The following ALKBH2 variants were observed in gnomAD, a reference collection of about 807,000 sequenced individuals.
ALKBH2 encodes the protein alkB homolog 2, alpha-ketoglutarate dependent dioxygenase.
A neutral mutation model predicts 19.7 loss-of-function variants in ALKBH2; 19 were observed. That is an observed-to-expected ratio of 0.97 (90% CI 0.67 to 1.42). The LOEUF (loss-of-function observed/expected upper bound fraction) is 1.42. ALKBH2 is among the 40% of genes most tolerant of loss of function. The pLI is 0.00. For synonymous variants in ALKBH2, 135 were observed against 131.2 expected (o/e 1.03, Z -0.20); for missense variants, 310 against 328.5 (o/e 0.94, Z 0.43).
Position 109,088,557 on chromosome 12 carries a change from T to C in ALKBH2, c.480-45A>G. 1 of 1,524,790 alleles carries C rather than the reference T, an allele frequency of 6.6e-7. No individual in the cohort carries two copies. The highest frequency in any genetic ancestry group is 8.9e-7 in the Non-Finnish European group (1 of 1,127,328). The allele number at this position is 1,524,790 out of a possible 1,614,324, so 94.5% of individuals were successfully genotyped here. A position where few individuals can be genotyped will look rare whatever the true frequency, so the allele number is the denominator to read the frequency against. On this transcript the variant is annotated intron_variant, in intron 3 of 3. Transcript: ENST00000429722. This position sits in a 1 kb window ranked among gnomAD's most constrained non-coding sequence, Gnocchi z 4.2. ...ACAGTGCATAAAAACAACCCTCTCC[T>C]GAAACTCACCAGCACCGCCAGCCCT...
At position 109,092,589 on chromosome 12, in the gene ALKBH2, G is replaced by C. The variant is rs773193528; in HGVS notation, c.198C>G (p.Asp66Glu). ...TGCCAAACAGGACTGTGTAACTGCA[G>C]TCCAGGCCCTCAGCCCGAATGTGCC... ...SWRHIRAEGL[D>E]CSYTVLFGKA... Residue 66 changes from aspartate to glutamate, a missense_variant, in exon 2 of 4, where the codon GAC becomes GAG. Transcript: ENST00000429722. 6.2e-7 allele frequency: 1 copy of C among 1,614,052 alleles called. No individual in the cohort carries two copies. Among genetic ancestry groups the C allele is most frequent in the Non-Finnish European group, 8.5e-7 (1 of 1,179,962 alleles).
At chr12:109,091,565 TCTCA>T (rs2042060804) in intron 2 of ALKBH2, among the ~76,000 whole-genome samples, 1 of 152,080 alleles carries the variant, frequency 6.6e-6, no homozygotes, top group Non-Finnish European at 1.5e-5. Flanking sequence ...TGAGACACAG[TCTCA>T]CTCTGTTGCC....
intron 2 of ALKBH2, among the ~76,000 whole-genome samples, chr12:109,091,403 A>T (rs1195766270): frequency 6.6e-6 from 1 of 152,052 alleles, no homozygotes; most frequent in African/African-American, 2.4e-5. Context: ...AAAAGAATAA[A>T]GTGACGAGGG....
intron 2 of ALKBH2, 105 bp downstream of exon 2, chr12:109,092,402 G>A: frequency 7.1e-7 from 1 of 1,407,926 alleles, no homozygotes. Flanking sequence ...GAACCCATCA[G>A]TAAATAATGG....
chr12:109,091,601 G>A (rs1428212010), intron 2 of ALKBH2, among the ~76,000 whole-genome samples: 5 of 152,032 alleles, frequency 3.3e-5, no homozygotes, highest in Admixed American at 6.5e-5. Flanking sequence ...GCAGTGGTGC[G>A]ATCTCGGCTC....
chr12:109,093,018 C>A (rs1473360163), intron 1 of ALKBH2, 81 bp from the exon 2 acceptor site: 4 of 1,143,696 alleles, frequency 3.5e-6, no homozygotes, highest in African/African-American at 1.6e-5. Context: ...TCCACCTGTG[C>A]ATCAGAATCA....
chr12:109,092,444 T>G, intron 2 of ALKBH2, 63 bp downstream of exon 2: 1 of 1,465,810 alleles, frequency 6.8e-7, no homozygotes, highest in Non-Finnish European at 9.0e-7. Flanking sequence ...AAACATACGA[T>G]CATTAATTGC....
chr12:109,090,123 T>C lies in ALKBH2; in HGVS notation c.365A>G (p.Tyr122Cys). 5 of 1,614,150 alleles carry C rather than the reference T, an allele frequency of 3.1e-6. No homozygotes were observed. Among genetic ancestry groups the C allele is most frequent in the East Asian group, 2.2e-5 (1 of 44,862 alleles). ...QATYGDAGLT[Y>C]TFSGLTLSPK... ...AGACAGCGTGAGGCCTGAAAATGTG[T>C]AGGTCAGCCCAGCGTCGCCATACGT... Residue 122 changes from tyrosine to cysteine, a missense_variant, in exon 3 of 4, where the codon TAC becomes TGC. Physicochemically the swap from Tyr to Cys is radical, Grantham distance 194. Coordinates refer to ENST00000429722, the MANE Select transcript of ALKBH2 (RefSeq NM_001145374.2).
chr12:109,089,442 A>G (rs2042024900), intron 3 of ALKBH2, among the ~76,000 whole-genome samples: 1 of 152,172 alleles, frequency 6.6e-6, no homozygotes, highest in Non-Finnish European at 1.5e-5. Context: ...TAGTGGATGG[A>G]GGCCAGGGAT....
At chr12:109,091,750 A>T (rs940993561) in intron 2 of ALKBH2, among the ~76,000 whole-genome samples, 9 of 152,132 alleles carry the variant, frequency 5.9e-5, no homozygotes, top group Non-Finnish European at 1.5e-5. Flanking sequence ...GGGTTTCACC[A>T]TATTGGCCAA....
At chr12:109,090,780 G>A (rs1355251654) in intron 2 of ALKBH2, among the ~76,000 whole-genome samples, 1 of 152,112 alleles carries the variant, frequency 6.6e-6, no homozygotes, top group African/African-American at 2.4e-5. Context: ...GGCTCAAGTG[G>A]TCCGCCCACC....
At chr12:109,089,467 G>A (rs147973384) in intron 3 of ALKBH2, among the ~76,000 whole-genome samples, 1 of 152,162 alleles carries the variant, frequency 6.6e-6, no homozygotes, top group African/African-American at 2.4e-5. Flanking sequence ...TCAACATCCT[G>A]CAAGGCACAG....
At position 109,090,050 on chromosome 12, in the gene ALKBH2, A is replaced by C; in HGVS notation, c.438T>G (p.Ser146=). 1 of 1,614,204 alleles carries C rather than the reference A, an allele frequency of 6.2e-7. No individual in the cohort carries two copies. Among genetic ancestry groups the C allele is most frequent in the South Asian group, 1.1e-5 (1 of 91,082 alleles). The change falls in exon 3 of 4, where the codon TCT becomes TCG. Residue 146 remains serine (S), a synonymous_variant. Transcript: ENST00000429722. ...AGTTGAAGGTCTGTCCAGTCACCCC[A>C]GAGACGTGATCCCGGATGCGCTCTA... ...PVLERIRDHV[S]GVTGQTFNFV...
At position 109,090,950 on chromosome 12, in the gene ALKBH2, G is replaced by A. The variant is rs75628294; in HGVS notation, c.281-743C>T. Among the ~76,000 whole-genome samples, 1,271 of 152,270 alleles carry A rather than the reference G, an allele frequency of 8.3e-3. 18 individuals are homozygous for A. The highest frequency in any genetic ancestry group is 0.028 in the African/African-American group (1,183 of 41,558). ...CTGTAACTTAACTGCCTTAACTACA[G>A]TAAGGGCAGAATAAAGAGGCTGAAA... On this transcript the variant is annotated intron_variant, in intron 2 of 3. Transcript: ENST00000429722.
Position 109,088,589 on chromosome 12 carries a change from C to T in ALKBH2, c.480-77G>A. The T allele has an allele frequency of 7.1e-7, 1 of 1,406,140 alleles. No individual in the cohort carries two copies. Among genetic ancestry groups the T allele is most frequent in the Non-Finnish European group, 9.7e-7 (1 of 1,033,912 alleles). The allele number at this position is 1,406,140 out of a possible 1,614,324, so 87.1% of individuals were successfully genotyped here. A position where few individuals can be genotyped will look rare whatever the true frequency, so the allele number is the denominator to read the frequency against. On this transcript the variant is annotated intron_variant, in intron 3 of 3. Coordinates refer to ENST00000429722, the MANE Select transcript of ALKBH2 (RefSeq NM_001145374.2). The surrounding 1 kb of genome is among the most constrained non-coding windows in gnomAD (Gnocchi z 4.2). ...CACCAGCACCGCCAGCCCTCGTTTT[C>T]CTCACAGTGTGAAACAGCACTCTGC... is the stretch of plus-strand genomic sequence containing the variant.
At position 109,092,947 on chromosome 12, in the gene ALKBH2, A is replaced by T; in HGVS notation, c.-151-10T>A. On this transcript the variant is annotated splice_polypyrimidine_tract_variant and intron_variant, in intron 1 of 3. Coordinates refer to ENST00000429722, the MANE Select transcript of ALKBH2 (RefSeq NM_001145374.2). ...AGTTTAAAACCATGTCCTAGAAAGG[A>T]AACAGAAGATGTTAAAGCCGGAAGG... is the stretch of plus-strand genomic sequence containing the variant. 7.0e-7 allele frequency: 1 copy of T among 1,429,884 alleles called. No individual in the cohort carries two copies. The highest frequency in any genetic ancestry group is 9.1e-7 in the Non-Finnish European group (1 of 1,097,952). The allele number at this position is 1,429,884 out of a possible 1,614,324, so 88.6% of individuals were successfully genotyped here. A position where few individuals can be genotyped will look rare whatever the true frequency, so the allele number is the denominator to read the frequency against.
Position 109,088,588 on chromosome 12 carries a change from T to C in ALKBH2, c.480-76A>G. 7.1e-7 allele frequency: 1 copy of C among 1,411,126 alleles called. No homozygotes were observed. Among genetic ancestry groups the C allele is most frequent in the Middle Eastern group, 1.9e-4 (1 of 5,138 alleles). 87.4% of individuals were successfully genotyped at this position (1,411,126 alleles called of 1,614,324 possible). A position where few individuals can be genotyped will look rare whatever the true frequency, so the allele number is the denominator to read the frequency against. ...TCACCAGCACCGCCAGCCCTCGTTT[T>C]CCTCACAGTGTGAAACAGCACTCTG... On this transcript the variant is annotated intron_variant, in intron 3 of 3. Coordinates refer to ENST00000429722, the MANE Select transcript of ALKBH2 (RefSeq NM_001145374.2). The surrounding 1 kb of genome is among the most constrained non-coding windows in gnomAD (Gnocchi z 4.2).
In ALKBH2 at chr12:109,088,469, C is replaced by A; in HGVS notation, c.523G>T (p.Glu175Ter). Reference protein sequence around the residue: ...CDHIGEHRDDERELAPGSPIA... With the variant: ...CDHIGEHRDD ...GGGCTCCCAGGGGCCAGTTCTCTTT[C>A]ATCATCTCGGTGCTCCCCGATGTGG... Residue 175 changes from glutamate (E) to a stop codon, truncating the protein, a stop_gained, in exon 4 of 4, where the codon GAA (glutamate) becomes TAA (stop). Coordinates refer to ENST00000429722, the MANE Select transcript of ALKBH2 (RefSeq NM_001145374.2). LOFTEE classifies it high-confidence loss of function. The surrounding 1 kb of genome is among the most constrained non-coding windows in gnomAD (Gnocchi z 4.2). 1 of 1,611,600 alleles carries A rather than the reference C, an allele frequency of 6.2e-7. No individual in the cohort carries two copies. Among genetic ancestry groups the A allele is most frequent in the South Asian group, 1.1e-5 (1 of 91,030 alleles).
rs377150426 is a variant in ALKBH2 at position 109,088,239 on chromosome 12, C to T, written c.753G>A (p.Leu251=). Residue 251 remains leucine, a synonymous_variant, in exon 4 of 4, where the codon CTG becomes CTA. Coordinates refer to ENST00000429722, the MANE Select transcript of ALKBH2 (RefSeq NM_001145374.2). This position sits in a 1 kb window ranked among gnomAD's most constrained non-coding sequence, Gnocchi z 4.2. The stretch of plus-strand genomic sequence containing the variant: ...TAGTAAGCAAAATTTTACGAAAAGT[C>T]AGATTCACCCGTGGAGCCAGAACCT... The part of the protein sequence containing the change: ...RKKVLAPRVN[L]TFRKILLTKK 1.7e-5 allele frequency: 27 copies of T among 1,597,770 alleles called. No individual in the cohort carries two copies. The African/African-American group carries it at 3.1e-4, about 18-fold the overall frequency.
Sources: gnomAD v4.1 joint callset for allele counts (sites outside exome capture counted in the v4.1 genomes callset) on GRCh38, gnomAD v4.1.1 for gene constraint, Gnocchi (gnomAD v3.1) non-coding constraint, MANE v1.5 for transcripts, NCBI Gene and HGNC (gene_info 2026-07-23, HGNC 2026-07-21) for gene names.